ADGRL2: variants seen among roughly 807,000 people sequenced by gnomAD.
ADGRL2 encodes adhesion G protein-coupled receptor L2, also known as calcium-independent alpha-latrotoxin receptor 2.
ADGRL2 carries 44 observed loss-of-function variants against 157.4 expected under a neutral mutation model. That is an observed-to-expected ratio of 0.28 (90% CI 0.22 to 0.36). ADGRL2 has a LOEUF of 0.36. ADGRL2 is among the 10% of genes least tolerant of loss of function. ADGRL2 has a pLI of 1.00. For synonymous variants in ADGRL2, 585 were observed against 624.7 expected, an observed-to-expected ratio of 0.94 and a Z score of 0.95; for missense variants, 1,510 against 1,768.9, an observed-to-expected ratio of 0.85 and a Z score of 2.63.
intron 1 of ADGRL2, among the ~76,000 whole-genome samples, chr1:81,407,285 C>T (rs1429044654): frequency 6.6e-6 from 1 of 152,170 alleles, no homozygotes; most frequent in Non-Finnish European, 1.5e-5. Context: ...CTCCTGGATC[C>T]GGAGGTCAGT....
intron 6 of ADGRL2, 64 bp from the exon 7 acceptor site, chr1:81,950,125 G>A (rs1008652006): frequency 3.0e-6 from 4 of 1,350,890 alleles, no homozygotes; most frequent in Non-Finnish European, 4.2e-6. Context: ...CATTCCATGT[G>A]TGCATGACTG....
intron 1 of ADGRL2, among the ~76,000 whole-genome samples, chr1:81,407,356 G>A (rs1226262134): frequency 1.3e-5 from 2 of 152,172 alleles, no homozygotes; most frequent in African/African-American, 4.8e-5. Flanking sequence ...ACCAACACCT[G>A]TTACAAGTGA....
At chr1:81,722,978 G>A in intron 1 of ADGRL2, 1 of 776,926 alleles carries the variant, frequency 1.3e-6, no homozygotes. Flanking sequence ...CCAGGATGTG[G>A]CTCAGAACCC....
rs141451624 is a variant in ADGRL2 at position 81,308,182 on chromosome 1, C to A, written c.-302+1673C>A. 3.4e-3 allele frequency among the ~76,000 whole-genome samples: 520 copies of A among 152,180 alleles called. 2 individuals carry two copies. Among genetic ancestry groups the A allele is most frequent in the Admixed American group, 6.1e-3 (93 of 15,286 alleles). On this transcript the variant is annotated intron_variant, in intron 1 of 24. Coordinates refer to the ADGRL2 transcript ENST00000370721. Reference sequence around the variant, plus strand: ...CAGTAATTAGAATTTCTTTAAAATTCTTTGAAATGCCGAGTTGTAAAGTAA... The same window carrying A: ...CAGTAATTAGAATTTCTTTAAAATTATTTGAAATGCCGAGTTGTAAAGTAA...
chr1:81,693,027 C>T (rs867574173), intron 3 of ADGRL2, among the ~76,000 whole-genome samples: 15 of 152,138 alleles, frequency 9.9e-5, no homozygotes, highest in African/African-American at 3.4e-4. Flanking sequence ...TACTGCCATG[C>T]CCTGAGTTCA....
intron 2 of ADGRL2, among the ~76,000 whole-genome samples, chr1:81,854,075 A>C (rs2093117393): frequency 6.6e-6 from 1 of 152,110 alleles, no homozygotes; most frequent in African/African-American, 2.4e-5. Flanking sequence ...TTTCTTAATA[A>C]ATTTTCCAAT....
intron 1 of ADGRL2, among the ~76,000 whole-genome samples, chr1:81,324,332 T>C (rs1435789965): frequency 8.2e-6 from 1 of 121,550 alleles, no homozygotes; most frequent in Non-Finnish European, 1.7e-5. Context: ...GGCAAAACCC[T>C]GTCTCTACAA....
At chr1:81,682,159 G>A (rs2083133481) in intron 3 of ADGRL2, among the ~76,000 whole-genome samples, 1 of 146,148 alleles carries the variant, frequency 6.8e-6, no homozygotes, top group Non-Finnish European at 1.5e-5. Flanking sequence ...GCCATTGCAA[G>A]AAGGAAAGTA....
intron 2 of ADGRL2, among the ~76,000 whole-genome samples, chr1:81,540,641 A>G (rs2079860335): frequency 6.6e-6 from 1 of 152,190 alleles, no homozygotes; most frequent in Non-Finnish European, 1.5e-5. Flanking sequence ...TTGCCTGTAT[A>G]AAGGCCCTAG....
chr1:81,391,560 A>G (rs2076559938), intron 1 of ADGRL2, among the ~76,000 whole-genome samples: 1 of 152,268 alleles, frequency 6.6e-6, no homozygotes, highest in East Asian at 1.9e-4. Flanking sequence ...TAAAGGAAGG[A>G]TTTATCTTTC....
intron 2 of ADGRL2, among the ~76,000 whole-genome samples, chr1:81,497,287 G>A (rs1380590347): frequency 6.6e-6 from 1 of 152,172 alleles, no homozygotes; most frequent in Non-Finnish European, 1.5e-5. Context: ...CCAGGCGCTA[G>A]CGTATTGAAA....
At chr1:81,986,861 C>T (rs1663296036) in intron 21 of ADGRL2, 40 bp from the exon 22 acceptor site, 1 of 1,582,388 alleles carries the variant, frequency 6.3e-7, no homozygotes, top group Non-Finnish European at 8.6e-7. Context: ...AACTGATGTA[C>T]TTTTCTCTGT....
chr1:81,613,297 A>G (rs962128943), intron 3 of ADGRL2, among the ~76,000 whole-genome samples: 1 of 152,210 alleles, frequency 6.6e-6, no homozygotes, highest in Non-Finnish European at 1.5e-5. Context: ...AGCCATTATC[A>G]TTGTCAACTT....
intron 1 of ADGRL2, among the ~76,000 whole-genome samples, chr1:81,369,337 T>C (rs2076122716): frequency 6.6e-6 from 1 of 152,176 alleles, no homozygotes; most frequent in South Asian, 2.1e-4. Context: ...ACAGTCTATA[T>C]ATACATAGCT....
At chr1:81,571,655 G>A (rs887626924) in intron 2 of ADGRL2, among the ~76,000 whole-genome samples, 2 of 151,826 alleles carry the variant, frequency 1.3e-5, no homozygotes, top group East Asian at 3.9e-4. Flanking sequence ...AAAACAGAGC[G>A]TAATAGATAA....
intron 3 of ADGRL2, among the ~76,000 whole-genome samples, chr1:81,691,878 G>GTTTATATATATATATATATATATA (rs755115574): frequency 1.6e-5 from 2 of 122,446 alleles, no homozygotes; most frequent in Admixed American, 9.2e-5. Context: ...GTGTGTGTGT[G>GTTTATATATATATATATATATATA]TGTATATATA....
At chr1:81,561,636 T>G (rs2080445098) in intron 2 of ADGRL2, among the ~76,000 whole-genome samples, 1 of 151,968 alleles carries the variant, frequency 6.6e-6, no homozygotes, top group Non-Finnish European at 1.5e-5. Context: ...AATTTTTGTA[T>G]TTTAGTAGAG....
intron 21 of ADGRL2, 76 bp from the exon 22 acceptor site, chr1:81,986,825 A>G (rs749469814): frequency 6.8e-7 from 1 of 1,461,068 alleles, no homozygotes; most frequent in Non-Finnish European, 9.4e-7. Flanking sequence ...AAAATAGTTG[A>G]CTACAACTGT....
intron 2 of ADGRL2, chr1:81,501,970 C>A (rs1190290496): frequency 6.2e-7 from 1 of 1,613,586 alleles, no homozygotes; most frequent in Non-Finnish European, 8.5e-7. Context: ...CTTCTGGCAG[C>A]ACTCCCTTAG....
Sources: allele counts gnomAD v4.1 joint callset (sites outside exome capture counted in the v4.1 genomes callset), GRCh38; gene constraint gnomAD v4.1.1; transcripts MANE v1.5; gene names NCBI Gene and HGNC (gene_info 2026-07-23, HGNC 2026-07-21).